TAGLN3: variants seen among roughly 807,000 people sequenced by gnomAD.
TAGLN3 encodes transgelin-3.
TAGLN3 carries 12 observed loss-of-function variants against 25.4 expected under a neutral mutation model. That is an observed-to-expected ratio of 0.47 (90% CI 0.30 to 0.77). The LOEUF is 0.77. Ranked by LOEUF, TAGLN3 falls within the 30% of genes least tolerant of loss-of-function variation. The pLI is 0.06. For missense variants in TAGLN3, 218 were observed against 255.8 expected (o/e 0.85, Z 1.01); for synonymous variants, 96 against 94.8 (o/e 1.01, Z -0.08).
chr3:112,011,094 A>T (rs2072970829), intron 3 of TAGLN3, among the ~76,000 whole-genome samples: 1 of 152,182 alleles, frequency 6.6e-6, no homozygotes, highest in Admixed American at 6.5e-5. Flanking sequence ...CTGATTCTAA[A>T]TTGCAGGCCA....
chr3:112,008,448 G>A (rs1197540818), intron 3 of TAGLN3, among the ~76,000 whole-genome samples: 2 of 152,122 alleles, frequency 1.3e-5, no homozygotes, highest in African/African-American at 4.8e-5. Context: ...CCAAAGTGTT[G>A]AAATTACCGT....
chr3:112,002,638 G>C (rs540921517), intron 3 of TAGLN3, among the ~76,000 whole-genome samples: 1 of 121,524 alleles, frequency 8.2e-6, no homozygotes, highest in Non-Finnish European at 1.8e-5. Context: ...AGGGACCCGG[G>C]TGAGTCCCCC....
At chr3:112,008,175 A>C (rs2072938330) in intron 3 of TAGLN3, among the ~76,000 whole-genome samples, 1 of 152,198 alleles carries the variant, frequency 6.6e-6, no homozygotes, top group African/African-American at 2.4e-5. Context: ...TCCCATAAAT[A>C]ATCCAAGAAG....
chr3:112,000,695 G>T, intron 2 of TAGLN3, 77 bp from the exon 3 acceptor site: 1 of 1,493,524 alleles, frequency 6.7e-7, no homozygotes, highest in South Asian at 1.2e-5. Context: ...TGTCCCACGT[G>T]AGCAGGATTC....
intron 4 of TAGLN3, among the ~76,000 whole-genome samples, chr3:112,012,618 TAA>T (rs937002759): frequency 6.9e-6 from 1 of 145,400 alleles, no homozygotes. Flanking sequence ...TGACAGTTAT[TAA>T]AAAAAAAAAA....
chr3:112,006,322 G>GT (rs1181215256), intron 3 of TAGLN3, among the ~76,000 whole-genome samples: 2 of 152,140 alleles, frequency 1.3e-5, no homozygotes, highest in African/African-American at 4.8e-5. Flanking sequence ...GAACCCCACT[G>GT]TAAGAGCCAC....
At chr3:112,007,159 C>T (rs761365634) in intron 3 of TAGLN3, among the ~76,000 whole-genome samples, 35 of 152,252 alleles carry the variant, frequency 2.3e-4, no homozygotes, top group South Asian at 4.1e-4. Flanking sequence ...TTTCCATATG[C>T]CCTCTCTCCC....
intron 4 of TAGLN3, 51 bp from the exon 5 acceptor site, chr3:112,013,359 G>T (rs764469294): frequency 7.0e-6 from 11 of 1,574,468 alleles, no homozygotes; most frequent in Non-Finnish European, 9.5e-6. Flanking sequence ...TCTTGAAAAG[G>T]ATTGGAAAAC....
At chr3:112,008,062 C>A (rs779955797) in intron 3 of TAGLN3, among the ~76,000 whole-genome samples, 2 of 152,098 alleles carry the variant, frequency 1.3e-5, no homozygotes, top group Non-Finnish European at 2.9e-5. Flanking sequence ...ATGAATCACC[C>A]AGGAAGCTTA....
At chr3:112,003,322 A>AC in intron 3 of TAGLN3, among the ~76,000 whole-genome samples, 1 of 152,256 alleles carries the variant, frequency 6.6e-6, no homozygotes, top group South Asian at 2.1e-4. Context: ...TCACCATACA[A>AC]CAGGGCAGGA....
At chr3:112,007,304 C>T (rs186807085) in intron 3 of TAGLN3, among the ~76,000 whole-genome samples, 1 of 152,306 alleles carries the variant, frequency 6.6e-6, no homozygotes, top group East Asian at 1.9e-4. Context: ...TGCTGTTATA[C>T]ATTCTATGCA....
At position 112,013,651 on chromosome 3, in the gene TAGLN3, C is replaced by T; in HGVS notation, c.*100C>T. 6.4e-7 allele frequency: 1 copy of T among 1,550,784 alleles called. No homozygotes were observed. Among genetic ancestry groups the T allele is most frequent in the South Asian group, 1.2e-5 (1 of 85,448 alleles). On this transcript the variant is annotated 3_prime_UTR_variant, in exon 5 of 5. Transcript: ENST00000478951. ...CACCTTCTGACCTTCTCCTCTTTCT[C>T]AAAGCCTTCTGTCCCTGGTTTTTGC...
chr3:112,012,681 AGG>A (rs1191949659), intron 4 of TAGLN3, among the ~76,000 whole-genome samples: 3 of 151,698 alleles, frequency 2.0e-5, no homozygotes, highest in Non-Finnish European at 2.9e-5. Flanking sequence ...AACTTCTGAG[AGG>A]TTGGCCATTT....
intron 3 of TAGLN3, among the ~76,000 whole-genome samples, chr3:112,005,558 C>T (rs2072906968): frequency 6.6e-6 from 1 of 152,144 alleles, no homozygotes; most frequent in African/African-American, 2.4e-5. Flanking sequence ...GAAGGCGTCA[C>T]TTTATGTGTC....
chr3:112,008,457 G>T (rs375710289), intron 3 of TAGLN3, among the ~76,000 whole-genome samples: 3 of 152,292 alleles, frequency 2.0e-5, no homozygotes, highest in Admixed American at 1.3e-4. Flanking sequence ...TGAAATTACC[G>T]TTGTGAGCCA....
intron 3 of TAGLN3, among the ~76,000 whole-genome samples, chr3:112,010,071 A>C (rs1031673038): frequency 6.6e-6 from 1 of 152,076 alleles, no homozygotes. Flanking sequence ...GAAAGGACAA[A>C]GGGAACTAAG....
At chr3:112,006,389 A>G (rs1433698311) in intron 3 of TAGLN3, among the ~76,000 whole-genome samples, 1 of 152,146 alleles carries the variant, frequency 6.6e-6, no homozygotes, top group Non-Finnish European at 1.5e-5. Flanking sequence ...AAATCCACAG[A>G]GCAAACCCAA....
chr3:112,000,268 C>A (rs2072841028), intron 2 of TAGLN3, among the ~76,000 whole-genome samples: 2 of 152,074 alleles, frequency 1.3e-5, no homozygotes, highest in East Asian at 1.9e-4. Flanking sequence ...ATATATATAT[C>A]TGGGAAAAAG....
At chr3:112,011,894 C>T (rs1276891054) in intron 4 of TAGLN3, 29 bp downstream of exon 4, 3 of 1,601,938 alleles carry the variant, frequency 1.9e-6, no homozygotes, top group African/African-American at 1.3e-5. Flanking sequence ...CCCCCTGGAC[C>T]ACAAGGCGAT....
Sources: gnomAD v4.1 joint callset for allele counts (sites outside exome capture counted in the v4.1 genomes callset) on GRCh38, gnomAD v4.1.1 for gene constraint, MANE v1.5 for transcripts, NCBI Gene and HGNC (gene_info 2026-07-23, HGNC 2026-07-21) for gene names.